The following FNBP1L variants were observed in gnomAD, a reference collection of about 807,000 sequenced individuals.
The protein encoded by FNBP1L is formin binding protein 1 like, also known as formin-binding protein 1-like.
Under a neutral mutation model 91.2 loss-of-function variants are expected in FNBP1L, and 36 were observed. That is an observed-to-expected ratio of 0.39 (90% CI 0.30 to 0.52). The LOEUF (loss-of-function observed/expected upper bound fraction) is 0.52, where lower values mean the gene tolerates loss of function less well. Among genes scored for constraint, FNBP1L ranks in the 20% least tolerant of loss-of-function variants. FNBP1L has a pLI of 0.66. For missense variants in FNBP1L, 571 were observed against 732.1 expected (o/e 0.78, Z 2.54); for synonymous variants, 242 against 237.0 (o/e 1.02, Z -0.19).
chr1:93,456,282 A>G (rs2449376), intron 1 of FNBP1L, among the ~76,000 whole-genome samples: 150,460 of 152,352 alleles, frequency 0.99, 74,327 homozygotes, highest in East Asian at 1. Context: ...GTTCTTGATA[A>G]ATAACTAATC....
intron 2 of FNBP1L, among the ~76,000 whole-genome samples, chr1:93,509,400 T>C (rs1362938626): frequency 6.6e-6 from 1 of 152,158 alleles, no homozygotes; most frequent in Non-Finnish European, 1.5e-5. Flanking sequence ...CATAGCCCCA[T>C]GCAGAATTGG....
chr1:93,478,896 C>T (rs1437984224), intron 1 of FNBP1L, among the ~76,000 whole-genome samples: 1 of 152,184 alleles, frequency 6.6e-6, no homozygotes, highest in African/African-American at 2.4e-5. Context: ...CTTTAATTCA[C>T]ACAGTCACAT....
chr1:93,456,342 A>G (rs1668659185), intron 1 of FNBP1L, among the ~76,000 whole-genome samples: 1 of 152,224 alleles, frequency 6.6e-6, no homozygotes, highest in South Asian at 2.1e-4. Context: ...TAGTATTTGT[A>G]TACTTGTTAT....
At chr1:93,529,478 A>G (rs1184300128) in intron 5 of FNBP1L, among the ~76,000 whole-genome samples, 174 bp from the exon 6 acceptor site, 1 of 152,070 alleles carries the variant, frequency 6.6e-6, no homozygotes, top group Non-Finnish European at 1.5e-5. Flanking sequence ...TCTGGGATAC[A>G]TGTGCAGGAC....
chr1:93,522,037 ATAG>A, intron 2 of FNBP1L, 42 bp from the exon 3 acceptor site: 1 of 1,224,266 alleles, frequency 8.2e-7, no homozygotes, highest in Non-Finnish European at 1.1e-6. Context: ...AATTGTAACA[ATAG>A]TTGAAATTTT....
At chr1:93,472,329 A>G (rs916736173) in intron 1 of FNBP1L, among the ~76,000 whole-genome samples, 1 of 152,178 alleles carries the variant, frequency 6.6e-6, no homozygotes, top group Non-Finnish European at 1.5e-5. Flanking sequence ...TAAGCAGTGC[A>G]TTTCACATTT....
chr1:93,496,930 A>C (rs1040068547), intron 1 of FNBP1L, among the ~76,000 whole-genome samples: 1 of 152,220 alleles, frequency 6.6e-6, no homozygotes, highest in African/African-American at 2.4e-5. Context: ...CAGATGACAC[A>C]TAAAATTAAT....
intron 2 of FNBP1L, among the ~76,000 whole-genome samples, chr1:93,520,813 C>A (rs1365819144): frequency 6.6e-6 from 1 of 152,098 alleles, no homozygotes; most frequent in African/African-American, 2.4e-5. Flanking sequence ...GAGGCTGAGG[C>A]AGGTGGATCA....
chr1:93,551,161 G>C, intron 16 of FNBP1L, 56 bp downstream of exon 16: 1 of 1,471,156 alleles, frequency 6.8e-7, no homozygotes, highest in Non-Finnish European at 9.1e-7. Flanking sequence ...TGTGACATAG[G>C]AAGAGTAACA....
intron 2 of FNBP1L, among the ~76,000 whole-genome samples, chr1:93,505,695 T>C (rs1370549341): frequency 6.6e-6 from 1 of 152,250 alleles, no homozygotes; most frequent in Non-Finnish European, 1.5e-5. Flanking sequence ...AAATAAATTT[T>C]GCTTCTAAGA....
chr1:93,529,751 G>T lies in FNBP1L; in HGVS notation c.505G>T (p.Glu169Ter). The T allele has an allele frequency of 6.7e-7, 1 of 1,495,868 alleles. No individual in the cohort carries two copies. Among genetic ancestry groups the T allele is most frequent in the South Asian group, 1.3e-5 (1 of 74,460 alleles). The allele number at this position is 1,495,868 out of a possible 1,614,324, so 92.7% of individuals were successfully genotyped here. ...TACTAATGCAACCAAGGCAGATGTT[G>T]AAAAGGTAAGAAATACTCCAAACCA... Reference protein sequence around the residue: ...NDTNATKADVEKAKQQLNLRT... With the variant: ...NDTNATKADV The change falls in exon 6 of 17, where the codon GAA becomes TAA. Residue 169 changes from glutamate to a stop codon, truncating the protein, a stop_gained. Transcript: ENST00000271234. LOFTEE classifies it high-confidence loss of function.
chr1:93,459,979 T>G lies in FNBP1L; in HGVS notation c.24+11674T>G, dbSNP rs202050720. On this transcript the variant is annotated intron_variant, in intron 1 of 16. Transcript: ENST00000271234. The stretch of plus-strand genomic sequence containing the variant: ...TGTGTGTGTGTGTGTGTGTGTGTGT[T>G]TTTGGGATATTGAAATATTGGCATT... 2.1e-3 allele frequency among the ~76,000 whole-genome samples: 97 copies of G among 47,220 alleles called. 2 individuals carry two copies. The East Asian group carries it at 0.033, about 16-fold the overall frequency. The allele number at this position is 47,220 out of a possible 152,430, so 31.0% of individuals were successfully genotyped here.
At chr1:93,517,652 A>G (rs1177092711) in intron 2 of FNBP1L, among the ~76,000 whole-genome samples, 1 of 152,254 alleles carries the variant, frequency 6.6e-6, no homozygotes, top group African/African-American at 2.4e-5. Context: ...ATTTTGTTTT[A>G]AAAATAGGTA....
rs942630340 is a variant in FNBP1L at position 93,554,507 on chromosome 1, C to T, written c.*2091C>T. 1 of 152,584 alleles carries T rather than the reference C, an allele frequency of 6.6e-6. No homozygotes were observed. Among genetic ancestry groups the T allele is most frequent in the African/African-American group, 2.4e-5 (1 of 41,436 alleles). The allele number at this position is 152,584 out of a possible 1,614,324, so 9.5% of individuals were successfully genotyped here. ...GTTTAAATCATTCTTAAATTTTGAA[C>T]ATGTGAATTGTCCCAAAAAATCTTT... is the stretch of plus-strand genomic sequence containing the variant. On this transcript the variant is annotated 3_prime_UTR_variant, in exon 17 of 17. Transcript: ENST00000271234.
chr1:93,480,113 G>A (rs535910744), intron 1 of FNBP1L, among the ~76,000 whole-genome samples: 1 of 152,276 alleles, frequency 6.6e-6, no homozygotes, highest in African/African-American at 2.4e-5. Flanking sequence ...CGCGGCTTCA[G>A]CTGGTCCCTC....
intron 3 of FNBP1L, among the ~76,000 whole-genome samples, chr1:93,522,694 G>A (rs1219346182): frequency 6.6e-6 from 1 of 152,180 alleles, no homozygotes; most frequent in African/African-American, 2.4e-5. Flanking sequence ...CTCAGGTTTA[G>A]TGTTAATGGA....
In FNBP1L at chr1:93,552,493, G is replaced by A. The variant is rs1672445007; in HGVS notation, c.*77G>A. 1.3e-6 allele frequency: 2 copies of A among 1,553,716 alleles called. No homozygotes were observed. The highest frequency in any genetic ancestry group is 1.8e-5 in the Admixed American group (1 of 55,608). On this transcript the variant is annotated 3_prime_UTR_variant, in exon 17 of 17. Coordinates refer to ENST00000271234, the MANE Select transcript of FNBP1L (RefSeq NM_001164473.3). ...GCTTTTGGGGGAGGGTATTAGAGTT[G>A]TCAGGCTCAAAGAGAGTGAGAGAAG...
rs1018082011 is a variant in FNBP1L, at chr1:93,553,980, AGT to A, written c.*1567_*1568del. 4 of 152,634 alleles carry A rather than the reference AGT, an allele frequency of 2.6e-5. No homozygotes were observed. The highest frequency in any genetic ancestry group is 4.4e-5 in the Non-Finnish European group (3 of 68,044). 9.5% of individuals were successfully genotyped at this position (152,634 alleles called of 1,614,324 possible). ...GTGACTGCTTTAATAACTTTTTCCC[AGT>A]GTTATTTGAATCATACTACCCGTTA... is the stretch of plus-strand genomic sequence containing the variant. On this transcript the variant is annotated 3_prime_UTR_variant, in exon 17 of 17. Coordinates refer to ENST00000271234, the MANE Select transcript of FNBP1L (RefSeq NM_001164473.3).
chr1:93,519,933 A>G (rs1229862410), intron 2 of FNBP1L, among the ~76,000 whole-genome samples: 1 of 152,154 alleles, frequency 6.6e-6, no homozygotes, highest in Non-Finnish European at 1.5e-5. Context: ...TGAAGTGCTA[A>G]TGCTTTCATC....
Sources: gnomAD v4.1 joint callset for allele counts (sites outside exome capture counted in the v4.1 genomes callset) on GRCh38, gnomAD v4.1.1 for gene constraint, MANE v1.5 for transcripts, NCBI Gene and HGNC (gene_info 2026-07-23, HGNC 2026-07-21) for gene names.